ATL3: variants seen among roughly 807,000 people sequenced by gnomAD.
The protein encoded by ATL3 is atlastin GTPase 3.
A neutral mutation model predicts 69.5 loss-of-function variants in ATL3; 49 were observed. The ratio of observed to expected loss-of-function variants is 0.71; its 90% CI spans 0.56 to 0.89. The LOEUF (loss-of-function observed/expected upper bound fraction) is 0.89, where lower values mean the gene tolerates loss of function less well. Ranked by LOEUF, ATL3 falls within the 40% of genes least tolerant of loss-of-function variation. The pLI, the probability that ATL3 is intolerant of heterozygous loss-of-function variation, is 0.00. For synonymous variants in ATL3, 214 were observed against 224.1 expected, an observed-to-expected ratio of 0.95 and a Z score of 0.40; for missense variants, 606 against 645.7, an observed-to-expected ratio of 0.94 and a Z score of 0.67.
intron 1 of ATL3, among the ~76,000 whole-genome samples, chr11:63,670,889 G>A (rs902504987): frequency 3.9e-5 from 6 of 152,200 alleles, no homozygotes; most frequent in Admixed American, 3.9e-4. Context: ...GGGCACGGAG[G>A]GGCAGCGCCC....
intron 8 of ATL3, among the ~76,000 whole-genome samples, chr11:63,637,366 C>T (rs951163740): frequency 1.3e-5 from 2 of 152,106 alleles, no homozygotes; most frequent in Non-Finnish European, 2.9e-5. Flanking sequence ...CATGCCCTCA[C>T]ACTACTACTC....
At chr11:63,636,477 G>A (rs1161847003) in intron 8 of ATL3, 143 bp from the exon 9 acceptor site, 19 of 1,138,520 alleles carry the variant, frequency 1.7e-5, no homozygotes, top group African/African-American at 9.4e-5. Flanking sequence ...GGTGGCTCAC[G>A]CCTATAATCC....
At chr11:63,671,669 G>C, upstream of ATL3, 1 of 1,368,114 alleles carries the variant, frequency 7.3e-7, no homozygotes, top group Non-Finnish European at 9.6e-7. Context: ...ACCGTCCTTT[G>C]GGAATTGTAG....
intron 1 of ATL3, among the ~76,000 whole-genome samples, chr11:63,671,007 G>GGGAGGAGCT (rs1385987186): frequency 1.1e-4 from 16 of 152,258 alleles, no homozygotes; most frequent in South Asian, 4.1e-4. Flanking sequence ...TGCAGCCCAG[G>GGGAGGAGCT]GGAGGAGCTG....
Position 63,659,109 on chromosome 11 carries a change from A to C in ATL3, c.190T>G (p.Ser64Ala). The change falls in exon 2 of 13, where the codon TCA becomes GCA. Residue 64 changes from serine (S) to alanine (A), a missense_variant. Physicochemically the swap from Ser to Ala is moderately conservative, Grantham distance 99. Transcript: ENST00000398868. ...CCCTTTCGGAAGGCACCAGCCACTGAAACCACCACCACATCAAGATCTCGG... is the reference window on the plus strand; with the variant it reads ...CCCTTTCGGAAGGCACCAGCCACTGCAACCACCACCACATCAAGATCTCGG... ...HIRDLDVVVV[S>A]VAGAFRKGKS... 6.2e-7 allele frequency: 1 copy of C among 1,614,146 alleles called. No homozygotes were observed. The highest frequency in any genetic ancestry group is 2.2e-5 in the East Asian group (1 of 44,886).
chr11:63,658,634 A>T, intron 3 of ATL3, 127 bp downstream of exon 3: 1 of 1,100,900 alleles, frequency 9.1e-7, no homozygotes, highest in Non-Finnish European at 1.2e-6. Context: ...GGGACTTTTT[A>T]ACTTTTCTTA....
intron 1 of ATL3, among the ~76,000 whole-genome samples, chr11:63,666,108 T>TA (rs1232470749): frequency 6.6e-6 from 1 of 152,064 alleles, no homozygotes; most frequent in Non-Finnish European, 1.5e-5. Flanking sequence ...AGCCTCCCAG[T>TA]ATCATCTCAC....
chr11:63,670,204 G>C (rs78058450), intron 1 of ATL3, among the ~76,000 whole-genome samples: 2,724 of 152,184 alleles, frequency 0.018, 32 homozygotes, highest in Middle Eastern at 0.031. Context: ...GGAATTTCTG[G>C]AGTACAAGCT....
At chr11:63,639,397 A>C (rs762166484) in intron 8 of ATL3, among the ~76,000 whole-genome samples, 6 of 152,220 alleles carry the variant, frequency 3.9e-5, no homozygotes, top group Non-Finnish European at 7.3e-5. Flanking sequence ...CAGGCTTTTA[A>C]CATATTTTTA....
In ATL3 at chr11:63,631,279, T is replaced by G. The variant is rs1189902298; in HGVS notation, c.1300A>C (p.Ser434Arg). Reference protein sequence around the residue: ...LYENFCKHNGSKNVFSTFRTP... With the variant: ...LYENFCKHNGRKNVFSTFRTP... ...CGGAAGGTGCTGAAGACGTTCTTGC[T>G]ACCATTGTGCTTGCAGAAGTTCTCA... is the stretch of plus-strand genomic sequence containing the variant. The change falls in exon 12 of 13, where the codon AGC (serine) becomes CGC (arginine). Residue 434 changes from serine (S) to arginine (R), a missense_variant. By Grantham distance (110) the Ser-to-Arg change is moderately radical (BLOSUM62 -1). Coordinates refer to ENST00000398868, the MANE Select transcript of ATL3 (RefSeq NM_015459.5). 1 of 1,614,132 alleles carries G rather than the reference T, an allele frequency of 6.2e-7. No individual in the cohort carries two copies. Among genetic ancestry groups the G allele is most frequent in the African/African-American group, 1.3e-5 (1 of 74,948 alleles).
chr11:63,644,033 C>A, intron 7 of ATL3, 136 bp downstream of exon 7: 1 of 616,240 alleles, frequency 1.6e-6, no homozygotes, highest in Non-Finnish European at 2.8e-6. Context: ...TAAATATTAG[C>A]TTGTGTTAAG....
intron 1 of ATL3, among the ~76,000 whole-genome samples, chr11:63,667,996 G>A (rs1316117661): frequency 5.3e-5 from 8 of 152,042 alleles, no homozygotes; most frequent in South Asian, 2.1e-4. Context: ...GCAGGAAGAG[G>A]CAATATTACC....
chr11:63,643,470 A>T lies in ATL3; in HGVS notation c.737T>A (p.Ile246Asn), dbSNP rs774287010. The change falls in exon 8 of 13, where the codon ATT (isoleucine) becomes AAT (asparagine). Residue 246 changes from isoleucine (I) to asparagine (N), a missense_variant. By Grantham distance (149) the Ile-to-Asn change is moderately radical. Coordinates refer to ENST00000398868, the MANE Select transcript of ATL3 (RefSeq NM_015459.5). ...LQVKEHQHEEIQNVRNHIHSC... is the reference protein window; with the variant it reads ...LQVKEHQHEENQNVRNHIHSC... Reference sequence around the variant, plus strand: ...GTGAATGTGATTTCGAACATTCTGAATTTCTTCATGTTGATGTTCCTTCAC... The same window carrying T: ...GTGAATGTGATTTCGAACATTCTGATTTTCTTCATGTTGATGTTCCTTCAC... 6.2e-7 allele frequency: 1 copy of T among 1,612,144 alleles called. No individual in the cohort carries two copies. Among genetic ancestry groups the T allele is most frequent in the South Asian group, 1.1e-5 (1 of 90,470 alleles).
chr11:63,663,347 C>T (rs1199983921), intron 1 of ATL3, among the ~76,000 whole-genome samples: 1 of 152,064 alleles, frequency 6.6e-6, no homozygotes, highest in Non-Finnish European at 1.5e-5. Context: ...TCTCAAACTC[C>T]TGGGCTCTAG....
chr11:63,647,313 C>T (rs1304588649), intron 5 of ATL3, among the ~76,000 whole-genome samples: 1 of 152,218 alleles, frequency 6.6e-6, no homozygotes, highest in Non-Finnish European at 1.5e-5. Flanking sequence ...CCTGCCTCAG[C>T]CTCCCAGGTA....
At chr11:63,670,504 C>T (rs933717402) in intron 1 of ATL3, 2 of 152,234 alleles carry the variant, frequency 1.3e-5, no homozygotes, top group African/African-American at 4.8e-5. Flanking sequence ...CAACAGCACA[C>T]ACATTACACT....
At chr11:63,645,700 C>T (rs1382379092) in intron 6 of ATL3, among the ~76,000 whole-genome samples, 2 of 152,040 alleles carry the variant, frequency 1.3e-5, no homozygotes, top group African/African-American at 2.4e-5. Flanking sequence ...AAGTGATCCT[C>T]CTACCTCAAC....
At chr11:63,657,959 C>A (rs1450244232) in intron 3 of ATL3, among the ~76,000 whole-genome samples, 1 of 150,976 alleles carries the variant, frequency 6.6e-6, no homozygotes, top group African/African-American at 2.4e-5. Flanking sequence ...CGGGTTCAAG[C>A]GTTTCTCCTG....
chr11:63,658,125 G>T (rs1940314563), intron 3 of ATL3, among the ~76,000 whole-genome samples: 1 of 152,122 alleles, frequency 6.6e-6, no homozygotes, highest in African/African-American at 2.4e-5. Flanking sequence ...CAAAGTGTTG[G>T]TATTACAGAC....
Sources: gnomAD v4.1 joint callset for allele counts (sites outside exome capture counted in the v4.1 genomes callset) on GRCh38, gnomAD v4.1.1 for gene constraint, MANE v1.5 for transcripts, NCBI Gene and HGNC (gene_info 2026-07-23, HGNC 2026-07-21) for gene names.